The following SZT2 variants were observed in gnomAD, a reference collection of about 807,000 sequenced individuals.
SZT2 encodes SZT2 subunit of KICSTOR complex.
Under a neutral mutation model 404.2 loss-of-function variants are expected in SZT2, and 216 were observed. The ratio of observed to expected loss-of-function variants is 0.53; its 90% CI spans 0.48 to 0.60. The LOEUF (loss-of-function observed/expected upper bound fraction) is 0.60, where lower values mean the gene tolerates loss of function less well. Ranked by LOEUF, SZT2 falls within the 20% of genes least tolerant of loss-of-function variation. SZT2 has a pLI of 0.00. For synonymous variants in SZT2, 1,693 were observed against 1,749.9 expected, an observed-to-expected ratio of 0.97 and a Z score of 0.81; for missense variants, 3,857 against 4,459.2, an observed-to-expected ratio of 0.86 and a Z score of 3.85.
intron 33 of SZT2, 60 bp from the exon 34 acceptor site, chr1:43,431,205 A>T (rs1251184546): frequency 6.4e-7 from 1 of 1,559,952 alleles, no homozygotes; most frequent in Non-Finnish European, 8.7e-7. Context: ...GAATGAAGTA[A>T]GGAGGAGGCC....
In SZT2 at chr1:43,441,859, A is replaced by G. The variant is rs764678069; in HGVS notation, c.7742+41A>G. On this transcript the variant is annotated intron_variant, in intron 55 of 71. Coordinates refer to ENST00000634258, the MANE Select transcript of SZT2 (RefSeq NM_001365999.1). The surrounding 1 kb of genome is among the most constrained non-coding windows in gnomAD (Gnocchi z 4.8). The stretch of plus-strand genomic sequence containing the variant: ...ATAGAATTGAAGGGAACTCCCCTAG[A>G]CTTCCTAAAAGCTGGGCCTACAGGA... 1.2e-6 allele frequency: 2 copies of G among 1,607,318 alleles called. No homozygotes were observed. Among genetic ancestry groups the G allele is most frequent in the Non-Finnish European group, 1.7e-6 (2 of 1,174,498 alleles).
chr1:43,450,872 A>G lies in SZT2; in HGVS notation c.*392A>G, dbSNP rs759058629. On this transcript the variant is annotated 3_prime_UTR_variant, in exon 72 of 72. Transcript: ENST00000634258. The surrounding 1 kb of genome is among the most constrained non-coding windows in gnomAD (Gnocchi z 4.3). ...CACTGTCAGCCACCTGTGTCCCTTG[A>G]GCCTTCGGGTCTTCACTTCCCACTT... is the stretch of plus-strand genomic sequence containing the variant. 2.8e-6 allele frequency: 2 copies of G among 724,148 alleles called. No individual in the cohort carries two copies. Among genetic ancestry groups the G allele is most frequent in the Admixed American group, 1.7e-5 (1 of 57,714 alleles). 44.9% of individuals were successfully genotyped at this position (724,148 alleles called of 1,614,324 possible).
At chr1:43,393,334 C>A (rs911932545) in intron 1 of SZT2, among the ~76,000 whole-genome samples, 3 of 152,152 alleles carry the variant, frequency 2.0e-5, no homozygotes, top group African/African-American at 7.2e-5. Context: ...TCATCTGATA[C>A]TCAAAAATTA....
In SZT2 at chr1:43,416,044, A is replaced by G; in HGVS notation, c.715A>G (p.Ser239Gly). The change falls in exon 6 of 72, where the codon AGT (serine) becomes GGT (glycine). Residue 239 changes from serine to glycine, a missense_variant. Transcript: ENST00000634258. ...GGTGACAGCTGATCTTGGGCTGGTCAGTATGATTCGTCAGGGCATCTTGGC... is the reference window on the plus strand; with the variant it reads ...GGTGACAGCTGATCTTGGGCTGGTCGGTATGATTCGTCAGGGCATCTTGGC... ...SMVTADLGLV[S>G]MIRQGILALQ... 1 of 1,598,444 alleles carries G rather than the reference A, an allele frequency of 6.3e-7. No homozygotes were observed. The highest frequency in any genetic ancestry group is 8.5e-7 in the Non-Finnish European group (1 of 1,179,802).
chr1:43,400,218 G>A (rs766339305), intron 1 of SZT2, among the ~76,000 whole-genome samples: 2 of 152,182 alleles, frequency 1.3e-5, no homozygotes, highest in Non-Finnish European at 2.9e-5. Flanking sequence ...GAGATTACAA[G>A]TCTGAGCCAC....
chr1:43,449,990 G>C, intron 70 of SZT2, 113 bp from the exon 71 acceptor site: 1 of 1,264,896 alleles, frequency 7.9e-7, no homozygotes, highest in Non-Finnish European at 1.1e-6. Context: ...TCAGGGTGCA[G>C]GCGGGGTGAG....
At position 43,451,952 on chromosome 1, in the gene SZT2, AG is replaced by A. The variant is rs1347536684; in HGVS notation, c.*1474del. Reference sequence around the variant, plus strand: ...GGTCGTACCCTGCTGGGGCGTGTCCAGGAAGTACTGGGGGTCAGTGATGCGG... The same window carrying A: ...GGTCGTACCCTGCTGGGGCGTGTCCAGAAGTACTGGGGGTCAGTGATGCGG... On this transcript the variant is annotated 3_prime_UTR_variant, in exon 72 of 72. Transcript: ENST00000634258. 1.2e-6 allele frequency: 2 copies of A among 1,612,202 alleles called. No individual in the cohort carries two copies. The highest frequency in any genetic ancestry group is 1.7e-5 in the Admixed American group (1 of 59,960).
At chr1:43,408,695 GC>G (rs747659011) in intron 4 of SZT2, among the ~76,000 whole-genome samples, 1 of 151,972 alleles carries the variant, frequency 6.6e-6, no homozygotes, top group Non-Finnish European at 1.5e-5. Context: ...CATATGTTTA[GC>G]CAGCCCCTAC....
Position 43,403,334 on chromosome 1 carries a change from G to A in SZT2, c.153+32G>A, listed in dbSNP as rs371297482. 1.9e-6 allele frequency: 3 copies of A among 1,605,046 alleles called. No homozygotes were observed. In the African/African-American group the frequency reaches 4.0e-5, roughly 22 times the overall value. On this transcript the variant is annotated intron_variant, in intron 2 of 71. Transcript: ENST00000634258. ...CTTAGACACACGAAAGGTGTGAGGG[G>A]CCAGCCCAGAAGGATCTGTTTTTTA...
At chr1:43,416,208 A>G in intron 6 of SZT2, 107 bp downstream of exon 6, 1 of 1,402,516 alleles carries the variant, frequency 7.1e-7, no homozygotes, top group Non-Finnish European at 9.5e-7. Flanking sequence ...GCCCCAGGGA[A>G]GAGGATCTGT....
intron 1 of SZT2, among the ~76,000 whole-genome samples, chr1:43,395,168 CTG>C (rs1309789859): frequency 1.3e-5 from 2 of 152,204 alleles, no homozygotes; most frequent in African/African-American, 2.4e-5. Flanking sequence ...TTCTAATAGT[CTG>C]TGCCCTCTGT....
At chr1:43,436,850 C>T in intron 42 of SZT2, 2 of 380,610 alleles carry the variant, frequency 5.3e-6, no homozygotes, top group South Asian at 7.4e-5. Flanking sequence ...GTGCTACTGA[C>T]ATATATTATG....
chr1:43,440,898 T>G (rs1654992168), intron 52 of SZT2, among the ~76,000 whole-genome samples: 1 of 152,214 alleles, frequency 6.6e-6, no homozygotes, highest in Non-Finnish European at 1.5e-5. Flanking sequence ...CTGCTCTGTC[T>G]TTTGGACTGG....
At chr1:43,445,736 TG>T in intron 62 of SZT2, 157 bp from the exon 63 acceptor site, 1 of 731,892 alleles carries the variant, frequency 1.4e-6, no homozygotes, top group Non-Finnish European at 2.4e-6. Flanking sequence ...AGTCTAGACC[TG>T]GACTCCAAGC....
At chr1:43,428,214 C>T in intron 27 of SZT2, 26 bp from the exon 28 acceptor site, 1 of 1,614,026 alleles carries the variant, frequency 6.2e-7, no homozygotes, top group Non-Finnish European at 8.5e-7. Context: ...GAGCTCAAGC[C>T]TCATGGCCCC....
intron 1 of SZT2, among the ~76,000 whole-genome samples, chr1:43,400,953 G>A (rs977160439): frequency 4.0e-5 from 6 of 151,512 alleles, no homozygotes; most frequent in African/African-American, 9.7e-5. Context: ...ACAGGGTCTC[G>A]CTCTGTTGCT....
chr1:43,390,283 T>C (rs759808423), intron 1 of SZT2, among the ~76,000 whole-genome samples: 2 of 152,254 alleles, frequency 1.3e-5, no homozygotes, highest in Admixed American at 6.5e-5. Flanking sequence ...TAACAAAACT[T>C]GTATTTTGAC....
chr1:43,390,842 G>A (rs1420910592), intron 1 of SZT2, among the ~76,000 whole-genome samples: 1 of 152,262 alleles, frequency 6.6e-6, no homozygotes, highest in Non-Finnish European at 1.5e-5. Context: ...CAACATATCA[G>A]TAGGTGGGAA....
chr1:43,392,624 CA>C (rs1303989881), intron 1 of SZT2, among the ~76,000 whole-genome samples: 1 of 152,150 alleles, frequency 6.6e-6, no homozygotes, highest in African/African-American at 2.4e-5. Context: ...CCGTGTTAGC[CA>C]GATAGTCTCA....
Sources: allele counts gnomAD v4.1 joint callset (sites outside exome capture counted in the v4.1 genomes callset), GRCh38; gene constraint gnomAD v4.1.1; non-coding constraint Gnocchi (gnomAD v3.1); transcripts MANE v1.5; gene names NCBI Gene and HGNC (gene_info 2026-07-23, HGNC 2026-07-21).